CTTNBP2NL: variants seen among roughly 807,000 people sequenced by gnomAD.
The protein encoded by CTTNBP2NL is CTTNBP2 N-terminal like, also known as CTTNBP2 N-terminal-like protein.
CTTNBP2NL carries 16 observed loss-of-function variants against 32.5 expected under a neutral mutation model. The observed-to-expected ratio is 0.49, with a 90% confidence interval of 0.33 to 0.75. The LOEUF is 0.75. CTTNBP2NL is among the 30% of genes least tolerant of loss of function. CTTNBP2NL has a pLI of 0.02. For synonymous variants in CTTNBP2NL, 298 were observed against 289.4 expected, an observed-to-expected ratio of 1.03 and a Z score of -0.30; for missense variants, 645 against 756.0, an observed-to-expected ratio of 0.85 and a Z score of 1.72.
At chr1:112,430,156 C>T (rs1342305163) in intron 3 of CTTNBP2NL, among the ~76,000 whole-genome samples, 2 of 151,578 alleles carry the variant, frequency 1.3e-5, no homozygotes, top group African/African-American at 2.4e-5. Flanking sequence ...TATATAAAAG[C>T]TAGCTCTTTT....
chr1:112,435,142 C>A (rs377086308), intron 3 of CTTNBP2NL, among the ~76,000 whole-genome samples: 396 of 85,832 alleles, frequency 4.6e-3, no homozygotes, highest in South Asian at 7.3e-3. Flanking sequence ...GACTCTGTCT[C>A]AAAAAAAAAA....
chr1:112,409,127 C>CAAGAAAA (rs1648778476), intron 1 of CTTNBP2NL, among the ~76,000 whole-genome samples: 1 of 80,254 alleles, frequency 1.2e-5, no homozygotes, highest in Admixed American at 1.4e-4. Flanking sequence ...GACTCTGTCT[C>CAAGAAAA]AAAAAAAAAA....
At chr1:112,425,337 G>A (rs1442237241) in intron 3 of CTTNBP2NL, among the ~76,000 whole-genome samples, 1 of 151,848 alleles carries the variant, frequency 6.6e-6, no homozygotes, top group Non-Finnish European at 1.5e-5. Flanking sequence ...CGGGCGAGGT[G>A]GCACACGCCT....
rs869134559 is a variant in CTTNBP2NL, at chr1:112,407,840, C to CTTTTTTTTTT, written c.-133-4341_-133-4332dup. On this transcript the variant is annotated intron_variant, in intron 1 of 5. Coordinates refer to ENST00000271277, the MANE Select transcript of CTTNBP2NL (RefSeq NM_018704.3). Reference sequence around the variant, plus strand: ...ACAAAAACGGCTTTCTTTTTTCTTTCTTTTTTTTTTTTTTTTTTTTTTGAG... The same window carrying CTTTTTTTTTT: ...ACAAAAACGGCTTTCTTTTTTCTTTCTTTTTTTTTTTTTTTTTTTTTTTTTTTTTTTTGAG... 5.6e-4 allele frequency among the ~76,000 whole-genome samples: 54 copies of CTTTTTTTTTT among 96,050 alleles called. 1 individual carries two copies. The highest frequency in any genetic ancestry group is 8.9e-4 in the African/African-American group (22 of 24,826). 63.0% of individuals were successfully genotyped at this position (96,050 alleles called of 152,430 possible).
chr1:112,404,980 GCGGAGGT>G (rs1648616457), intron 1 of CTTNBP2NL, among the ~76,000 whole-genome samples: 1 of 146,352 alleles, frequency 6.8e-6, no homozygotes. Context: ...GAACCAGGAG[GCGGAGGT>G]TGCGGTGAGG....
intron 2 of CTTNBP2NL, chr1:112,414,987 A>C (rs1649012473): frequency 6.6e-6 from 1 of 152,266 alleles, no homozygotes; most frequent in African/African-American, 2.4e-5. Context: ...CAGGAGTTTG[A>C]GTCCAGTCTG....
chr1:112,445,388 G>GT (rs139718598), intron 3 of CTTNBP2NL, among the ~76,000 whole-genome samples: 4,082 of 152,088 alleles, frequency 0.027, 189 homozygotes, highest in African/African-American at 0.094. Context: ...CTGTTTTGGG[G>GT]TTTTTTTATT....
At chr1:112,433,788 T>G (rs1307850276) in intron 3 of CTTNBP2NL, among the ~76,000 whole-genome samples, 1 of 152,232 alleles carries the variant, frequency 6.6e-6, no homozygotes, top group East Asian at 1.9e-4. Context: ...TCTTACTTTT[T>G]ATAATTACTA....
intron 3 of CTTNBP2NL, among the ~76,000 whole-genome samples, chr1:112,425,320 A>C (rs552482866): frequency 3.3e-5 from 5 of 151,832 alleles, no homozygotes; most frequent in African/African-American, 1.2e-4. Context: ...AAAGTACAAA[A>C]ATTAGCCGGG....
intron 2 of CTTNBP2NL, 85 bp from the exon 3 acceptor site, chr1:112,416,072 C>A: frequency 1.3e-6 from 1 of 747,108 alleles, no homozygotes; most frequent in Non-Finnish European, 2.3e-6. Flanking sequence ...ACTATAATTG[C>A]TCTTATCTCT....
At chr1:112,428,633 TCA>T (rs1649470371) in intron 3 of CTTNBP2NL, among the ~76,000 whole-genome samples, 1 of 152,174 alleles carries the variant, frequency 6.6e-6, no homozygotes, top group Non-Finnish European at 1.5e-5. Flanking sequence ...GAAATAAATT[TCA>T]CATTTCACCA....
At chr1:112,419,817 C>T (rs950323531) in intron 3 of CTTNBP2NL, among the ~76,000 whole-genome samples, 2 of 152,186 alleles carry the variant, frequency 1.3e-5, no homozygotes, top group African/African-American at 4.8e-5. Flanking sequence ...CATTCTCTGG[C>T]ACCCATAAGC....
rs553455119 is a variant in CTTNBP2NL at position 112,453,560 on chromosome 1, TG to T, written c.331-886del. Among the ~76,000 whole-genome samples, 117 of 152,174 alleles carry T rather than the reference TG, an allele frequency of 7.7e-4. 1 individual carries two copies. In the Middle Eastern group the frequency reaches 0.017, roughly 22 times the overall value. Reference sequence around the variant, plus strand: ...TGAGCCCAGGAGTTCCAGACCAGCCTGGGCAAGATGGCAAAACCCCATCTCT... The same window carrying T: ...TGAGCCCAGGAGTTCCAGACCAGCCTGGCAAGATGGCAAAACCCCATCTCT... On this transcript the variant is annotated intron_variant, in intron 4 of 5. Coordinates refer to ENST00000271277, the MANE Select transcript of CTTNBP2NL (RefSeq NM_018704.3).
intron 3 of CTTNBP2NL, among the ~76,000 whole-genome samples, chr1:112,437,711 G>C (rs1365452911): frequency 6.6e-6 from 1 of 152,080 alleles, no homozygotes; most frequent in African/African-American, 2.4e-5. Flanking sequence ...TTTTAGTAGA[G>C]ACAGGGTTTT....
At chr1:112,442,640 C>T (rs1649928357) in intron 3 of CTTNBP2NL, among the ~76,000 whole-genome samples, 1 of 151,918 alleles carries the variant, frequency 6.6e-6, no homozygotes, top group African/African-American at 2.4e-5. Flanking sequence ...GAACATTTCA[C>T]AGGACTCTGG....
chr1:112,436,072 T>G (rs11581879), intron 3 of CTTNBP2NL, among the ~76,000 whole-genome samples: 70,006 of 143,974 alleles, frequency 0.49, 20,348 homozygotes, highest in South Asian at 0.7. Context: ...TGAGATTTGC[T>G]TTTTTTTTTG....
chr1:112,437,789 C>G (rs2101021642), intron 3 of CTTNBP2NL, among the ~76,000 whole-genome samples: 1 of 152,280 alleles, frequency 6.6e-6, no homozygotes. Flanking sequence ...TCCCAAAGTC[C>G]TGGGATTGCA....
intron 3 of CTTNBP2NL, among the ~76,000 whole-genome samples, chr1:112,428,075 A>G (rs1649456390): frequency 6.6e-6 from 1 of 151,968 alleles, no homozygotes; most frequent in Non-Finnish European, 1.5e-5. Context: ...ATAAGCATTT[A>G]TATATATATG....
rs1298185855 is a variant in CTTNBP2NL, at chr1:112,456,761, A to G, written c.1269A>G (p.Leu423=). The stretch of plus-strand genomic sequence containing the variant: ...CCAGCAGCACTGCCTCCTCCTCTCT[A>G]ACATCCTCTCCTTGCTCTTCGCCGG... ...LSPSSTASSS[L]TSSPCSSPVL... is the part of the protein sequence containing the mutation. The change falls in exon 6 of 6, where the codon CTA becomes CTG. Residue 423 remains leucine (L), a synonymous_variant. Transcript: ENST00000271277. 10 of 1,613,852 alleles carry G rather than the reference A, an allele frequency of 6.2e-6. No homozygotes were observed. The highest frequency in any genetic ancestry group is 8.5e-6 in the Non-Finnish European group (10 of 1,179,982).
Sources: gnomAD v4.1 joint callset for allele counts (sites outside exome capture counted in the v4.1 genomes callset) on GRCh38, gnomAD v4.1.1 for gene constraint, MANE v1.5 for transcripts, NCBI Gene and HGNC (gene_info 2026-07-23, HGNC 2026-07-21) for gene names.